Variants in RNF166 observed in about 807,000 individuals in gnomAD.
The protein encoded by RNF166 is E3 ubiquitin-protein ligase RNF166.
RNF166 carries 19 observed loss-of-function variants against 29.4 expected under a neutral mutation model. The ratio of observed to expected loss-of-function variants is 0.65; its 90% CI spans 0.45 to 0.95. The LOEUF is 0.95. RNF166 is among the 40% of genes least tolerant of loss of function. The probability of loss-of-function intolerance (pLI) is 0.00; values close to 1 mark genes in which losing one functional copy is unlikely to be tolerated. For missense variants in RNF166, 347 were observed against 322.1 expected, an observed-to-expected ratio of 1.08 and a Z score of -0.59; for synonymous variants, 171 against 134.5, an observed-to-expected ratio of 1.27 and a Z score of -1.88.
rs746065959 is a variant in RNF166 at position 88,699,730 on chromosome 16, C to G, written c.315G>C (p.Val105=). 2.5e-6 allele frequency: 4 copies of G among 1,611,510 alleles called. No individual in the cohort carries two copies. Among genetic ancestry groups the G allele is most frequent in the Non-Finnish European group, 1.7e-6 (2 of 1,178,916 alleles). Reference sequence around the variant, plus strand: ...TGTGCACTCTCATCTTTGCCAGGGTCACCTAGGAGACAGGGCAGGGAGGGC... The same window carrying G: ...TGTGCACTCTCATCTTTGCCAGGGTGACCTAGGAGACAGGGCAGGGAGGGC... The part of the protein sequence containing the change: ...KAPCRGCNKK[V]TLAKMRVHIS... The change falls in exon 3 of 6, where the codon GTG becomes GTC. Residue 105 remains valine (V), a splice_region_variant and synonymous_variant. Coordinates refer to ENST00000312838, the MANE Select transcript of RNF166 (RefSeq NM_178841.4).
chr16:88,697,159 C>G lies in RNF166; in HGVS notation c.*409G>C, dbSNP rs117229196. On this transcript the variant is annotated 3_prime_UTR_variant, in exon 6 of 6. Transcript: ENST00000312838. ...CAAATGCGCAAGGTGGAAGTGGGGCCGGGGCAGGGTCGGGCTGGGCAGGGC... is the reference window on the plus strand; with the variant it reads ...CAAATGCGCAAGGTGGAAGTGGGGCGGGGGCAGGGTCGGGCTGGGCAGGGC... The G allele has an allele frequency of 0.065, 11,399 of 174,430 alleles. 513 individuals are homozygous for G. Among genetic ancestry groups the G allele is most frequent in the Admixed American group, 0.089 (1,489 of 16,664 alleles). The allele number at this position is 174,430 out of a possible 1,614,324, so 10.8% of individuals were successfully genotyped here. A position where few individuals can be genotyped will look rare whatever the true frequency, so the allele number is the denominator to read the frequency against.
At chr16:88,698,865 G>A (rs1909909905) in intron 4 of RNF166, 106 bp downstream of exon 4, 1 of 909,366 alleles carries the variant, frequency 1.1e-6, no homozygotes, top group Non-Finnish European at 1.7e-6. Context: ...GGAGGCCTTT[G>A]TGGCCTGGGC....
At chr16:88,702,849 G>A (rs1597410695) in intron 1 of RNF166, 7 of 985,032 alleles carry the variant, frequency 7.1e-6, no homozygotes, top group African/African-American at 5.2e-5. Context: ...GATTTGAGCC[G>A]GGGGGGCCGC....
rs1418313584 is a variant in RNF166 at position 88,699,711 on chromosome 16, C to T, written c.334G>A (p.Val112Met). 1 of 1,612,926 alleles carries T rather than the reference C, an allele frequency of 6.2e-7. No individual in the cohort carries two copies. Among genetic ancestry groups the T allele is most frequent in the African/African-American group, 1.3e-5 (1 of 74,930 alleles). ...ACCTTCAGGCAGGACGAAATGTGCACTCTCATCTTTGCCAGGGTCACCTAG... is the reference window on the plus strand; with the variant it reads ...ACCTTCAGGCAGGACGAAATGTGCATTCTCATCTTTGCCAGGGTCACCTAG... ...NKKVTLAKMR[V>M]HISSCLKVQE... Residue 112 changes from valine (V) to methionine (M), a missense_variant, in exon 3 of 6, where the codon GTG becomes ATG. Physicochemically the swap from Val to Met is conservative, Grantham distance 21. Coordinates refer to ENST00000312838, the MANE Select transcript of RNF166 (RefSeq NM_178841.4).
At chr16:88,701,882 AGG>A (rs1910276666) in intron 1 of RNF166, among the ~76,000 whole-genome samples, 2 of 152,238 alleles carry the variant, frequency 1.3e-5, no homozygotes, top group South Asian at 4.1e-4. Flanking sequence ...GCCAGGCCCC[AGG>A]GGCTCCAGAT....
intron 5 of RNF166, 158 bp downstream of exon 5, chr16:88,698,344 A>G: frequency 2.8e-6 from 2 of 726,708 alleles, no homozygotes; most frequent in South Asian, 2.9e-5. Context: ...ACCTGCAGGC[A>G]GCCCCCACAG....
chr16:88,700,892 G>A (rs1057217797), intron 2 of RNF166: 33 of 1,129,528 alleles, frequency 2.9e-5, no homozygotes, highest in Non-Finnish European at 3.5e-5. Context: ...CGGCCCTTGT[G>A]ACCTTGGAGC....
At chr16:88,702,905 C>T in intron 1 of RNF166, 15 of 985,516 alleles carry the variant, frequency 1.5e-5, no homozygotes, top group Non-Finnish European at 1.8e-5. Flanking sequence ...AGATGGTCCA[C>T]CTGGGGAGGC....
chr16:88,702,833 C>G, intron 1 of RNF166: 1 of 985,502 alleles, frequency 1.0e-6, no homozygotes, highest in Non-Finnish European at 1.2e-6. Context: ...CTGGCACTGA[C>G]CCCTGGATTT....
rs149955849 is a variant in RNF166 at position 88,702,469 on chromosome 16, T to G, written c.156-1051A>C. 2.5e-3 allele frequency among the ~76,000 whole-genome samples: 374 copies of G among 152,280 alleles called. 1 individual carries two copies. Among genetic ancestry groups the G allele is most frequent in the African/African-American group, 8.7e-3 (363 of 41,562 alleles). On this transcript the variant is annotated intron_variant, in intron 1 of 5. Transcript: ENST00000312838. ...GGCAGGCCCTGGGTTCACAAACGAC[T>G]CAGCTGAATTCAGGGCCAGAGTCCT...
intron 5 of RNF166, chr16:88,698,269 T>G (rs1909830571): frequency 1.4e-6 from 1 of 694,958 alleles, no homozygotes; most frequent in Non-Finnish European, 2.6e-6. Context: ...CCCTGTGCGG[T>G]CCATGTCCCC....
Position 88,697,341 on chromosome 16 carries a change from C to A in RNF166, c.*227G>T, listed in dbSNP as rs998538553. On this transcript the variant is annotated 3_prime_UTR_variant, in exon 6 of 6. Transcript: ENST00000312838. ...TAGGCCGCCTGCTCGGCCAGAAGCA[C>A]CGAAGAACCCAGCGACGCCGGTGGG... is the stretch of plus-strand genomic sequence containing the variant. 11 of 443,686 alleles carry A rather than the reference C, an allele frequency of 2.5e-5. No homozygotes were observed. The highest frequency in any genetic ancestry group is 2.3e-4 in the African/African-American group (11 of 48,566). 27.5% of individuals were successfully genotyped at this position (443,686 alleles called of 1,614,324 possible).
intron 1 of RNF166, chr16:88,702,854 G>C (rs1003356495): frequency 9.1e-6 from 9 of 985,348 alleles, no homozygotes; most frequent in Non-Finnish European, 1.1e-5. Context: ...GAGCCGGGGG[G>C]GCCGCCTACT....
At chr16:88,699,413 T>A (rs1909979247) in intron 3 of RNF166, among the ~76,000 whole-genome samples, 1 of 152,224 alleles carries the variant, frequency 6.6e-6, no homozygotes, top group African/African-American at 2.4e-5. Flanking sequence ...ACAGCTGAGC[T>A]GTCCCTACCC....
chr16:88,699,160 A>C, intron 3 of RNF166, 75 bp from the exon 4 acceptor site: 2 of 1,080,344 alleles, frequency 1.9e-6, no homozygotes, highest in Non-Finnish European at 2.8e-6. Context: ...TCTCAAACAC[A>C]GGCGTGGCCC....
In RNF166 at chr16:88,696,967, A is replaced by G. The variant is rs1909691819; in HGVS notation, c.*601T>C. On this transcript the variant is annotated 3_prime_UTR_variant, in exon 6 of 6. Coordinates refer to ENST00000312838, the MANE Select transcript of RNF166 (RefSeq NM_178841.4). ...TGTTTTGATTGTTTTCTTAAAAAAT[A>G]TAATTTTGTAAATGTTCCATAAAAA... is the stretch of plus-strand genomic sequence containing the variant. 1 of 202,186 alleles carries G rather than the reference A, an allele frequency of 4.9e-6. No homozygotes were observed. The highest frequency in any genetic ancestry group is 6.7e-5 in the South Asian group (1 of 14,840). 12.5% of individuals were successfully genotyped at this position (202,186 alleles called of 1,614,324 possible). A position where few individuals can be genotyped will look rare whatever the true frequency, so the allele number is the denominator to read the frequency against.
chr16:88,706,354 C>G lies in RNF166; in HGVS notation c.-29G>C. ...GGGGCCAGGCCCGCGCCGCCCGCCG[C>G]CCGCTGTCCTGGCCCGGGCCGGCCC... On this transcript the variant is annotated 5_prime_UTR_variant, in exon 1 of 6. Transcript: ENST00000312838. 6 of 1,215,052 alleles carry G rather than the reference C, an allele frequency of 4.9e-6. No individual in the cohort carries two copies. The highest frequency in any genetic ancestry group is 3.2e-4 in the Middle Eastern group (1 of 3,110). 75.3% of individuals were successfully genotyped at this position (1,215,052 alleles called of 1,614,324 possible).
chr16:88,701,311 T>C lies in RNF166; in HGVS notation c.263A>G (p.Glu88Gly). 6.2e-7 allele frequency: 1 copy of C among 1,613,740 alleles called. No homozygotes were observed. Among genetic ancestry groups the C allele is most frequent in the Non-Finnish European group, 8.5e-7 (1 of 1,179,942 alleles). Residue 88 changes from glutamate (E) to glycine (G), a missense_variant, in exon 2 of 6, where the codon GAG becomes GGG. Glu to Gly is a moderately conservative substitution (Grantham distance 98). Coordinates refer to ENST00000312838, the MANE Select transcript of RNF166 (RefSeq NM_178841.4). ...PKKVDKATHV[E>G]KQLSSYKAPC... ...CGCTTTGTAGGATGAGAGCTGCTTC[T>C]CCACGTGGGTGGCCTTGTCCACCTT...
chr16:88,699,649 G>A lies in RNF166; in HGVS notation c.396C>T (p.Pro132=), dbSNP rs769819881. Residue 132 remains proline, a synonymous_variant, in exon 3 of 6, where the codon CCC becomes CCT. Coordinates refer to ENST00000312838, the MANE Select transcript of RNF166 (RefSeq NM_178841.4). ...GGATAGGCTGTGATGTGGGCACCAC[G>A]GGGACGAACTTGGGGCAGTTGGCCA... The part of the protein sequence containing the change: ...EQMANCPKFV[P]VVPTSQPIPS... The A allele has an allele frequency of 1.1e-5, 17 of 1,613,194 alleles. No individual in the cohort carries two copies. The highest frequency in any genetic ancestry group is 3.3e-5 in the Admixed American group (2 of 59,992).
Sources: allele counts gnomAD v4.1 joint callset (sites outside exome capture counted in the v4.1 genomes callset), GRCh38; gene constraint gnomAD v4.1.1; transcripts MANE v1.5; gene names NCBI Gene and HGNC (gene_info 2026-07-23, HGNC 2026-07-21).